Variants in DRC9 observed in about 807,000 individuals in gnomAD.
DRC9 encodes the protein dynein regulatory complex subunit 9.
At chr3:197,899,632 G>GGA in the DRC9 span, among the ~76,000 whole-genome samples, 1 of 151,836 alleles carries the variant, frequency 6.6e-6, no homozygotes, top group Non-Finnish European at 1.5e-5. Flanking sequence ...ACAAAATAAG[G>GGA]GAGAGATAAG....
chr3:197,948,350 G>A, the DRC9 span, among the ~76,000 whole-genome samples: 3 of 152,196 alleles, frequency 2.0e-5, no homozygotes, highest in Non-Finnish European at 4.4e-5. Flanking sequence ...CGTCAGGCCA[G>A]ATCAGGCTTC....
the DRC9 span, chr3:197,912,816 A>C: frequency 4.6e-6 from 6 of 1,315,974 alleles, no homozygotes; most frequent in South Asian, 5.9e-5. Flanking sequence ...TCTCAAGATG[A>C]GAGCAGCAGC....
At chr3:197,951,349 A>G in the DRC9 span, 4 of 1,605,500 alleles carry the variant, frequency 2.5e-6, no homozygotes, top group Non-Finnish European at 3.4e-6. Flanking sequence ...GGTTTTTGAG[A>G]TCTGCCTCAT....
the DRC9 span, among the ~76,000 whole-genome samples, chr3:197,948,731 A>T: frequency 6.6e-6 from 1 of 152,338 alleles, no homozygotes; most frequent in South Asian, 2.1e-4. Flanking sequence ...CTGATTTTAA[A>T]AGTGACTTAT....
At chr3:197,931,197 C>G in the DRC9 span, among the ~76,000 whole-genome samples, 1 of 151,324 alleles carries the variant, frequency 6.6e-6, no homozygotes, top group African/African-American at 2.4e-5. Context: ...AAAGAGAGTT[C>G]CAGGCCGAGC....
At chr3:197,950,567 C>T in the DRC9 span, 9 of 333,010 alleles carry the variant, frequency 2.7e-5, no homozygotes, top group African/African-American at 1.1e-4. Context: ...CTTTCCTCAG[C>T]TTTTCTCCCC....
the DRC9 span, among the ~76,000 whole-genome samples, chr3:197,899,220 T>C: frequency 6.6e-6 from 1 of 152,172 alleles, no homozygotes; most frequent in African/African-American, 2.4e-5. Flanking sequence ...CTTCAAGGAA[T>C]AGATAATGTT....
the DRC9 span, chr3:197,950,201 G>C: frequency 1.6e-6 from 2 of 1,231,358 alleles, no homozygotes; most frequent in African/African-American, 3.1e-5. Context: ...TTCTCTTACC[G>C]CCATCTTGGC....
the DRC9 span, chr3:197,889,476 A>G: frequency 6.8e-6 from 9 of 1,326,000 alleles, no homozygotes; most frequent in African/African-American, 1.5e-5. Context: ...TCAATAGGAA[A>G]CAACCTGTAG....
chr3:197,923,903 C>T, the DRC9 span, among the ~76,000 whole-genome samples: 10 of 151,402 alleles, frequency 6.6e-5, no homozygotes, highest in Non-Finnish European at 1.0e-4. Flanking sequence ...CCCACCTCTA[C>T]GAACAATTAA....
At chr3:197,950,722 C>A in the DRC9 span, 1 of 585,750 alleles carries the variant, frequency 1.7e-6, no homozygotes, top group South Asian at 2.2e-5. Flanking sequence ...GTTTTGTCTT[C>A]ATTCTGAAGT....
At chr3:197,901,733 T>G in the DRC9 span, among the ~76,000 whole-genome samples, 1 of 152,172 alleles carries the variant, frequency 6.6e-6, no homozygotes, top group African/African-American at 2.4e-5. The surrounding 1 kb of genome is among the most constrained non-coding windows in gnomAD (Gnocchi z 4.4). Flanking sequence ...AAGGTAGACT[T>G]CTAAGGTTTT....
the DRC9 span, chr3:197,894,559 A>G: frequency 6.6e-6 from 1 of 152,354 alleles, no homozygotes; most frequent in South Asian, 2.1e-4. Flanking sequence ...AGAGATGATT[A>G]GCATGGCTCC....
At chr3:197,902,062 A>AC in the DRC9 span, among the ~76,000 whole-genome samples, 1 of 152,172 alleles carries the variant, frequency 6.6e-6, no homozygotes, top group Non-Finnish European at 1.5e-5. Context: ...AGGAAAAAGA[A>AC]CAAGAGTCTC....
At chr3:197,951,477 C>T in the DRC9 span, 8 of 712,484 alleles carry the variant, frequency 1.1e-5, no homozygotes, top group South Asian at 9.7e-5. Flanking sequence ...CTCAGCCTCC[C>T]GAGTAGCTGG....
At chr3:197,947,701 C>T in the DRC9 span, among the ~76,000 whole-genome samples, 1 of 152,156 alleles carries the variant, frequency 6.6e-6, no homozygotes, top group East Asian at 1.9e-4. Flanking sequence ...GGAGTATATC[C>T]AGGGGAGATT....
At chr3:197,950,479 T>C in the DRC9 span, 29 of 416,152 alleles carry the variant, frequency 7.0e-5, no homozygotes, top group Non-Finnish European at 9.2e-5. Context: ...TTTGTTCGTG[T>C]GCAGTTGTCC....
the DRC9 span, chr3:197,892,817 T>A: frequency 6.3e-7 from 1 of 1,597,292 alleles, no homozygotes; most frequent in Non-Finnish European, 8.6e-7. Context: ...CTGTATACTG[T>A]ATGATTCCAC....
the DRC9 span, among the ~76,000 whole-genome samples, chr3:197,930,750 AAAAG>A: frequency 1.1e-4 from 16 of 150,088 alleles, no homozygotes; most frequent in South Asian, 1.7e-3. Context: ...AAAAAAAAAA[AAAAG>A]AAAGAAAAGA....
Sources: allele counts gnomAD v4.1 joint callset (sites outside exome capture counted in the v4.1 genomes callset), GRCh38; gene constraint gnomAD v4.1.1; non-coding constraint Gnocchi (gnomAD v3.1); transcripts MANE v1.5; gene names NCBI Gene and HGNC (gene_info 2026-07-23, HGNC 2026-07-21).